CYP2W1: variants seen among roughly 807,000 people sequenced by gnomAD.
CYP2W1 encodes the protein cytochrome P450 family 2 subfamily W member 1, also known as cytochrome P450 2W1.
Under a neutral mutation model 44.9 loss-of-function variants are expected in CYP2W1, and 51 were observed. The ratio of observed to expected loss-of-function variants is 1.14; its 90% CI spans 0.91 to 1.43. The LOEUF (loss-of-function observed/expected upper bound fraction) is 1.43, where lower values mean the gene tolerates loss of function less well. CYP2W1 is among the 40% of genes most tolerant of loss of function. CYP2W1 has a pLI of 0.00. For missense variants in CYP2W1, 746 were observed against 700.0 expected (o/e 1.07, Z -0.74); for synonymous variants, 383 against 338.3 (o/e 1.13, Z -1.45).
intron 4 of CYP2W1, among the ~76,000 whole-genome samples, chr7:985,724 T>C (rs1288819504): frequency 6.6e-6 from 1 of 152,216 alleles, no homozygotes; most frequent in Non-Finnish European, 1.5e-5. Context: ...ACCCCTCTGA[T>C]GTTTGGAACT....
At chr7:986,530 G>C in intron 4 of CYP2W1, 94 bp from the exon 5 acceptor site, 1 of 1,450,428 alleles carries the variant, frequency 6.9e-7, no homozygotes, top group Non-Finnish European at 9.5e-7. Flanking sequence ...AGAGTCCCTG[G>C]GCGTGAACAC....
At chr7:984,348 G>C in intron 1 of CYP2W1, 64 bp from the exon 2 acceptor site, 1 of 1,474,702 alleles carries the variant, frequency 6.8e-7, no homozygotes, top group Non-Finnish European at 8.9e-7. Flanking sequence ...GGCCCGGCCT[G>C]AGGGGACCTA....
chr7:987,944 CCTGTGTGTCCTGGGGGTCCCCT>C (rs1562956523), intron 7 of CYP2W1, among the ~76,000 whole-genome samples: 2 of 125,312 alleles, frequency 1.6e-5, no homozygotes, highest in Non-Finnish European at 1.6e-5. Flanking sequence ...GGGGGGGTCC[CCTGTGTGTCCTGGGGGTCCCCT>C]CTGTGTGTCC....
rs148421167 is a variant in CYP2W1, at chr7:988,285, C to G, written c.1152C>G (p.Pro384=). ...LGGFLLPKGT[P]VIPLLTSVLL... ...CCCGGCTGCCCCCACAGGGCACGCC[C>G]GTGATTCCCCTGCTGACCTCGGTGC... Residue 384 remains proline, a synonymous_variant, in exon 8 of 9, where the codon CCC becomes CCG. Coordinates refer to ENST00000308919, the MANE Select transcript of CYP2W1 (RefSeq NM_017781.3). The G allele has an allele frequency of 6.3e-7, 1 of 1,591,970 alleles. No homozygotes were observed. The highest frequency in any genetic ancestry group is 1.1e-5 in the South Asian group (1 of 89,072).
At position 986,670 on chromosome 7, in the gene CYP2W1, G is replaced by A. The variant is rs373477867; in HGVS notation, c.692G>A (p.Arg231Gln). ...PWLGALLQLH[R>Q]PVLRKIEEVR... ...CTCGGGGCCCTGCTCCAGCTGCACC[G>A]GCCCGTCCTGCGCAAGATCGAGGAG... Residue 231 changes from arginine (R) to glutamine (Q), a missense_variant, in exon 5 of 9, where the codon CGG (arginine) becomes CAG (glutamine). Coordinates refer to ENST00000308919, the MANE Select transcript of CYP2W1 (RefSeq NM_017781.3). The A allele has an allele frequency of 8.0e-5, 129 of 1,612,512 alleles. No individual in the cohort carries two copies. Among genetic ancestry groups the A allele is most frequent in the Non-Finnish European group, 1.0e-4 (118 of 1,179,874 alleles).
chr7:983,997 G>A (rs1218517937), intron 1 of CYP2W1, among the ~76,000 whole-genome samples: 1 of 152,192 alleles, frequency 6.6e-6, no homozygotes, highest in Non-Finnish European at 1.5e-5. Flanking sequence ...GCGGGCTGGG[G>A]TGCTGCTGGC....
chr7:987,911 C>T (rs898806589), intron 7 of CYP2W1, among the ~76,000 whole-genome samples: 2 of 143,312 alleles, frequency 1.4e-5, no homozygotes, highest in Non-Finnish European at 3.0e-5. Flanking sequence ...CTCTGTGTGT[C>T]CTGGGGATCC....
At chr7:984,109 C>T (rs559858081) in intron 1 of CYP2W1, among the ~76,000 whole-genome samples, 2 of 152,346 alleles carry the variant, frequency 1.3e-5, no homozygotes, top group African/African-American at 4.8e-5. Context: ...CCCCAGCAGA[C>T]AGCCAGCCCC....
At chr7:986,977 C>A in intron 5 of CYP2W1, 130 bp from the exon 6 acceptor site, 1 of 1,358,576 alleles carries the variant, frequency 7.4e-7, no homozygotes, top group Non-Finnish European at 9.7e-7. Flanking sequence ...GTGCCTGCCT[C>A]GGGGACGCTG....
At chr7:986,899 C>A in intron 5 of CYP2W1, 102 bp downstream of exon 5, 1 of 1,360,406 alleles carries the variant, frequency 7.4e-7, no homozygotes, top group Non-Finnish European at 9.7e-7. Flanking sequence ...CTGCACCAAG[C>A]TCCCTACCTC....
chr7:987,099 C>T lies in CYP2W1; in HGVS notation c.820-8C>T, dbSNP rs370828451. ...TCATCCCACGAGCCCTGCCCCACGC[C>T]TCTGCAGGGGGATGACCCCGAGGGC... On this transcript the variant is annotated splice_region_variant and splice_polypyrimidine_tract_variant and intron_variant, in intron 5 of 8. Coordinates refer to ENST00000308919, the MANE Select transcript of CYP2W1 (RefSeq NM_017781.3). The T allele has an allele frequency of 6.5e-6, 10 of 1,528,886 alleles. No homozygotes were observed. The East Asian group carries it at 9.5e-5, about 14-fold the overall frequency. The allele number at this position is 1,528,886 out of a possible 1,614,324, so 94.7% of individuals were successfully genotyped here.
At chr7:986,943 T>C in intron 5 of CYP2W1, 146 bp downstream of exon 5, 3 of 1,321,914 alleles carry the variant, frequency 2.3e-6, no homozygotes, top group Non-Finnish European at 3.0e-6. Context: ...TCAGTCTCCT[T>C]GTCTGTGAAA....
At position 985,216 on chromosome 7, in the gene CYP2W1, T is replaced by C. The variant is rs1848241266; in HGVS notation, c.538T>C (p.Phe180Leu). The change falls in exon 4 of 9, where the codon TTC becomes CTC. Residue 180 changes from phenylalanine to leucine, a missense_variant. Transcript: ENST00000308919. ...GGGCTGGGCTCCCTCCAATATCACC[T>C]TCGCGCTCCTCTTCGGCCGCCGATT... ...LLGWAPSNIT[F>L]ALLFGRRFDY... 2 of 1,557,678 alleles carry C rather than the reference T, an allele frequency of 1.3e-6. No individual in the cohort carries two copies. Among genetic ancestry groups the C allele is most frequent in the Non-Finnish European group, 1.7e-6 (2 of 1,151,026 alleles).
In CYP2W1 at chr7:988,372, G is replaced by A. The variant is rs146108762; in HGVS notation, c.1239G>A (p.Ala413=). 1.0e-4 allele frequency: 161 copies of A among 1,612,670 alleles called. No individual in the cohort carries two copies. The African/African-American group carries it at 1.8e-3, about 18-fold the overall frequency. ...TCAACCCCGGCCATTTCCTGGACGCGAATGGGCACTTTGTGAAGCGGGAGG... is the reference window on the plus strand; with the variant it reads ...TCAACCCCGGCCATTTCCTGGACGCAAATGGGCACTTTGTGAAGCGGGAGG... ...GQFNPGHFLD[A]NGHFVKREAF... is the part of the protein sequence containing the mutation. The change falls in exon 8 of 9, where the codon GCG becomes GCA. Residue 413 remains alanine (A), a synonymous_variant. Transcript: ENST00000308919.
chr7:988,544 C>A, intron 8 of CYP2W1, 91 bp from the exon 9 acceptor site: 1 of 1,597,224 alleles, frequency 6.3e-7, no homozygotes. Context: ...GCTGTGGTGG[C>A]TGCTCCTGTG....
chr7:985,393 G>C, intron 4 of CYP2W1, 70 bp downstream of exon 4: 2 of 1,503,028 alleles, frequency 1.3e-6, no homozygotes, highest in Non-Finnish European at 8.9e-7. Context: ...AGGAGGACGG[G>C]GGCCCCAGTG....
At position 984,455 on chromosome 7, in the gene CYP2W1, G is replaced by A. The variant is rs1307551632; in HGVS notation, c.218G>A (p.Arg73His). The A allele has an allele frequency of 1.1e-5, 17 of 1,549,912 alleles. No individual in the cohort carries two copies. The highest frequency in any genetic ancestry group is 4.9e-5 in the East Asian group (2 of 41,084). ...YGPVFTVHLGRQKTVVLTGFE... is the reference protein window; with the variant it reads ...YGPVFTVHLGHQKTVVLTGFE... ...CCGGTGTTCACCGTGCACCTGGGGC[G>A]CCAGAAGACGGTGGTGCTGACGGGG... The change falls in exon 2 of 9, where the codon CGC becomes CAC. Residue 73 changes from arginine (R) to histidine (H), a missense_variant. Arg to His is a conservative substitution (Grantham distance 29). Coordinates refer to ENST00000308919, the MANE Select transcript of CYP2W1 (RefSeq NM_017781.3).
chr7:987,728 C>G (rs1274916688), intron 7 of CYP2W1, among the ~76,000 whole-genome samples, 197 bp downstream of exon 7: 1 of 152,210 alleles, frequency 6.6e-6, no homozygotes, highest in Non-Finnish European at 1.5e-5. Context: ...TTGGCCTGGC[C>G]AGCAGACCTG....
rs917877689 is a variant in CYP2W1 at position 987,227 on chromosome 7, C to G, written c.940C>G (p.Arg314Gly). The change falls in exon 6 of 9, where the codon CGG (arginine) becomes GGG (glycine). Residue 314 changes from arginine (R) to glycine (G), a missense_variant. Arg to Gly is a moderately radical substitution (Grantham distance 125). Transcript: ENST00000308919. Reference protein sequence around the residue: ...TLQWAALLMGRHPDVQGRVQE... With the variant: ...TLQWAALLMGGHPDVQGRVQE... Reference sequence around the variant, plus strand: ...GCAGTGGGCCGCACTTCTGATGGGCCGGCACCCGGACGTGCAGGGTGAGAC... The same window carrying G: ...GCAGTGGGCCGCACTTCTGATGGGCGGGCACCCGGACGTGCAGGGTGAGAC... 1.3e-6 allele frequency: 2 copies of G among 1,536,508 alleles called. No homozygotes were observed. The highest frequency in any genetic ancestry group is 1.8e-6 in the Non-Finnish European group (2 of 1,140,610).
Sources: allele counts gnomAD v4.1 joint callset (sites outside exome capture counted in the v4.1 genomes callset), GRCh38; gene constraint gnomAD v4.1.1; transcripts MANE v1.5; gene names NCBI Gene and HGNC (gene_info 2026-07-23, HGNC 2026-07-21).